DLG5: variants seen among roughly 807,000 people sequenced by gnomAD.
DLG5 encodes the protein disks large homolog 5.
A neutral mutation model predicts 189.8 loss-of-function variants in DLG5; 48 were observed. The observed-to-expected ratio is 0.25, with a 90% CI of 0.20 to 0.32. The LOEUF (loss-of-function observed/expected upper bound fraction) is 0.32, where lower values mean the gene tolerates loss of function less well. Among genes scored for constraint, DLG5 ranks in the 10% least tolerant of loss-of-function variants. The pLI, the probability that DLG5 is intolerant of heterozygous loss-of-function variation, is 1.00. For missense variants in DLG5, 2,160 were observed against 2,544.7 expected, an observed-to-expected ratio of 0.85 and a Z score of 3.25; for synonymous variants, 1,016 against 1,054.1, an observed-to-expected ratio of 0.96 and a Z score of 0.70.
chr10:77,866,223 T>C (rs555128823), intron 2 of DLG5, among the ~76,000 whole-genome samples: 8 of 152,328 alleles, frequency 5.3e-5, no homozygotes, highest in African/African-American at 1.4e-4. Context: ...CCCGAGGGAC[T>C]GGTACAAGCC....
intron 1 of DLG5, among the ~76,000 whole-genome samples, chr10:77,888,590 G>A (rs1343845761): frequency 3.9e-5 from 6 of 152,126 alleles, no homozygotes; most frequent in South Asian, 2.1e-4. Flanking sequence ...AGGGCCACTC[G>A]CTTTTTCATT....
At chr10:77,858,554 C>A (rs74903984) in intron 2 of DLG5, among the ~76,000 whole-genome samples, 1 of 151,936 alleles carries the variant, frequency 6.6e-6, no homozygotes, top group African/African-American at 2.4e-5. Flanking sequence ...GGGAGGATCG[C>A]CTGAGCCCAG....
chr10:77,910,240 TAA>T (rs1303172097), intron 1 of DLG5, among the ~76,000 whole-genome samples: 1 of 152,040 alleles, frequency 6.6e-6, no homozygotes, highest in Non-Finnish European at 1.5e-5. Flanking sequence ...CAGTACCGAG[TAA>T]AGGTAGTCAT....
At chr10:77,850,861 G>C (rs550276452) in intron 5 of DLG5, among the ~76,000 whole-genome samples, 38 of 152,338 alleles carry the variant, frequency 2.5e-4, no homozygotes, top group African/African-American at 8.7e-4. Context: ...TTCTAGCAAG[G>C]CTGTGGGGCT....
At chr10:77,825,448 A>G (rs1842586196) in intron 13 of DLG5, among the ~76,000 whole-genome samples, 1 of 150,328 alleles carries the variant, frequency 6.7e-6, no homozygotes, top group Non-Finnish European at 1.5e-5. Context: ...CTTTGATATT[A>G]TACTCATGCA....
chr10:77,909,783 C>A lies in DLG5; in HGVS notation c.304+16434G>T, dbSNP rs1396875198. Among the ~76,000 whole-genome samples, 3 of 152,256 alleles carry A rather than the reference C, an allele frequency of 2.0e-5. No individual in the cohort carries two copies. In the East Asian group the frequency reaches 5.8e-4, roughly 29 times the overall value. On this transcript the variant is annotated intron_variant, in intron 1 of 31. Transcript: ENST00000372391. Reference sequence around the variant, plus strand: ...TTTCAGGAGAAGGACTCAAAACCAGCACATTTTGGTTTTGTTTACTTTCCT... The same window carrying A: ...TTTCAGGAGAAGGACTCAAAACCAGAACATTTTGGTTTTGTTTACTTTCCT...
In DLG5 at chr10:77,819,910, T is replaced by G. The variant is rs1362473309; in HGVS notation, c.3511A>C (p.Ser1171Arg). The change falls in exon 16 of 32, where the codon AGC becomes CGC. Residue 1171 changes from serine (S) to arginine (R), a missense_variant. By Grantham distance (110) the Ser-to-Arg change is moderately radical. This residue lies in a region of DLG5 where 754 missense variants were observed against 746.5 expected (regional missense o/e 1.01). Coordinates refer to ENST00000372391, the MANE Select transcript of DLG5 (RefSeq NM_004747.4). ...SRHSNPPLYP[S>R]RPSVGTVPRS... is the part of the protein sequence containing the mutation. ...GCTGACTCACCCACAGACGGCCTGC[T>G]AGGGTATAGCGGGGGGTTGCTGTGC... The G allele has an allele frequency of 5.7e-6, 9 of 1,586,340 alleles. No homozygotes were observed. The Admixed American group carries it at 1.2e-4, about 22-fold the overall frequency.
At chr10:77,826,695 C>A (rs776961725) in intron 13 of DLG5, among the ~76,000 whole-genome samples, 2 of 151,926 alleles carry the variant, frequency 1.3e-5, no homozygotes, top group Non-Finnish European at 2.9e-5. Context: ...CATCTGTAAT[C>A]CCAGCACTTT....
At chr10:77,795,038 C>A in intron 29 of DLG5, 80 bp from the exon 30 acceptor site, 1 of 1,095,338 alleles carries the variant, frequency 9.1e-7, no homozygotes. Context: ...GCAGGACCCA[C>A]CTCACCTCAC....
At chr10:77,872,289 G>A (rs1844931747) in intron 1 of DLG5, among the ~76,000 whole-genome samples, 1 of 152,184 alleles carries the variant, frequency 6.6e-6, no homozygotes, top group Non-Finnish European at 1.5e-5. Context: ...CTCCTCCCCT[G>A]TGGCAAGTTT....
At chr10:77,809,787 C>T (rs865866765) in intron 23 of DLG5, 57 bp from the exon 24 acceptor site, 2 of 1,564,984 alleles carry the variant, frequency 1.3e-6, no homozygotes, top group African/African-American at 2.7e-5. Flanking sequence ...CACAAAAAGA[C>T]AAAGCAGTGG....
chr10:77,901,835 C>T (rs1255370517), intron 1 of DLG5, among the ~76,000 whole-genome samples: 2 of 152,200 alleles, frequency 1.3e-5, no homozygotes, highest in Non-Finnish European at 2.9e-5. Context: ...GCTCTCTGTC[C>T]TGACCCACTT....
chr10:77,871,778 G>A (rs900362851), intron 1 of DLG5, among the ~76,000 whole-genome samples: 5 of 151,778 alleles, frequency 3.3e-5, no homozygotes, highest in East Asian at 1.9e-4. Context: ...TCCTGACCTC[G>A]GGATCCACCA....
At chr10:77,811,006 T>A in intron 23 of DLG5, 88 bp downstream of exon 23, 1 of 1,499,912 alleles carries the variant, frequency 6.7e-7, no homozygotes, top group East Asian at 2.3e-5. Flanking sequence ...TGAGGCCAGC[T>A]GCCCAGTGCC....
intron 7 of DLG5, among the ~76,000 whole-genome samples, chr10:77,836,896 CCTT>C (rs1843166601): frequency 1.3e-5 from 2 of 151,190 alleles, no homozygotes; most frequent in African/African-American, 2.4e-5. Flanking sequence ...AAAAAAAAAT[CCTT>C]CTTAAATTTT....
intron 1 of DLG5, among the ~76,000 whole-genome samples, chr10:77,925,047 A>G (rs553670797): frequency 6.6e-6 from 1 of 152,264 alleles, no homozygotes; most frequent in African/African-American, 2.4e-5. Context: ...TTATACATAT[A>G]TCCTTATTTA....
Position 77,830,233 on chromosome 10 carries a change from C to T in DLG5, c.1993G>A (p.Ala665Thr). ...FVTKVDKGSI[A>T]DGRLRVNDWL... ...AACTCTTACCTTAAGCGGCCATCAG[C>T]AATGCTTCCTTTGTCCACTTTAGTG... The change falls in exon 11 of 32, where the codon GCT becomes ACT. Residue 665 changes from alanine (A) to threonine (T), a missense_variant. Coordinates refer to ENST00000372391, the MANE Select transcript of DLG5 (RefSeq NM_004747.4). 6.2e-7 allele frequency: 1 copy of T among 1,614,156 alleles called. No individual in the cohort carries two copies.
At chr10:77,923,539 G>A (rs984369564) in intron 1 of DLG5, among the ~76,000 whole-genome samples, 2 of 152,314 alleles carry the variant, frequency 1.3e-5, no homozygotes, top group African/African-American at 2.4e-5. Flanking sequence ...CAAGCAGATC[G>A]CTTGAGCTCA....
chr10:77,806,027 G>A (rs376031429), intron 26 of DLG5, 166 bp from the exon 27 acceptor site: 21 of 636,960 alleles, frequency 3.3e-5, no homozygotes, highest in Admixed American at 9.3e-5. Context: ...GGGAACCCTC[G>A]GTACATGCTG....
Sources: gnomAD v4.1 joint callset for allele counts (sites outside exome capture counted in the v4.1 genomes callset) on GRCh38, gnomAD v4.1.1 for gene constraint, gnomAD v4.1.1 regional missense constraint, MANE v1.5 for transcripts, NCBI Gene and HGNC (gene_info 2026-07-23, HGNC 2026-07-21) for gene names.